Variants in PCLO observed in about 807,000 individuals in gnomAD.
The protein encoded by PCLO is protein piccolo.
A neutral mutation model predicts 427.5 loss-of-function variants in PCLO; 82 were observed. The ratio of observed to expected loss-of-function variants is 0.19; its 90% confidence interval spans 0.16 to 0.23. The LOEUF (loss-of-function observed/expected upper bound fraction) is 0.23. Ranked by LOEUF, PCLO falls within the 10% of genes least tolerant of loss-of-function variation. The probability of loss-of-function intolerance (pLI) is 1.00; values close to 1 mark genes in which losing one functional copy is unlikely to be tolerated. For synonymous variants in PCLO, 2,357 were observed against 2,155.4 expected (o/e 1.09, Z -2.59); for missense variants, 6,239 against 6,115.9 (o/e 1.02, Z -0.67).
At chr7:82,900,638 T>A (rs146304231) in intron 9 of PCLO, among the ~76,000 whole-genome samples, 6 of 151,756 alleles carry the variant, frequency 4.0e-5, no homozygotes, top group African/African-American at 1.4e-4. Flanking sequence ...CCTATCAGAT[T>A]GGAGGAGATA....
intron 3 of PCLO, among the ~76,000 whole-genome samples, chr7:83,127,689 C>T (rs892606089): frequency 6.6e-6 from 1 of 152,050 alleles, no homozygotes; most frequent in African/African-American, 2.4e-5. Flanking sequence ...ACTTCAACAG[C>T]TGAACATTTC....
chr7:82,879,569 A>G (rs1448634392), intron 9 of PCLO, 107 bp from the exon 10 acceptor site: 10 of 707,570 alleles, frequency 1.4e-5, no homozygotes, highest in Non-Finnish European at 1.9e-5. Context: ...GAAGCTAAAT[A>G]TAACATGAAT....
At chr7:82,860,763 ACATAGC>A (rs1475913385) in intron 10 of PCLO, among the ~76,000 whole-genome samples, 2 of 152,262 alleles carry the variant, frequency 1.3e-5, no homozygotes, top group East Asian at 3.9e-4. Flanking sequence ...ACTTTTCAAG[ACATAGC>A]ATAATAAGAT....
chr7:83,106,862 G>A (rs1259160979), intron 3 of PCLO, among the ~76,000 whole-genome samples: 3 of 152,024 alleles, frequency 2.0e-5, no homozygotes, highest in African/African-American at 7.2e-5. Context: ...CTCAATATGT[G>A]CATTAGTGAC....
intron 3 of PCLO, among the ~76,000 whole-genome samples, chr7:82,992,182 C>T (rs1414999263): frequency 6.6e-6 from 1 of 152,056 alleles, no homozygotes; most frequent in African/African-American, 2.4e-5. Context: ...TTACCTTGGT[C>T]CCACACCATT....
chr7:82,900,185 T>C (rs1441469111), intron 9 of PCLO, among the ~76,000 whole-genome samples: 1 of 151,616 alleles, frequency 6.6e-6, no homozygotes. Flanking sequence ...GAAAACAACA[T>C]TAGACTCCTA....
In PCLO at chr7:83,097,772, C is replaced by T. The variant is rs542802590; in HGVS notation, c.3300+36478G>A. The stretch of plus-strand genomic sequence containing the variant: ...CTATTGTGTCAGAAAACAAAACATG[C>T]TTAGACCTCAATAAACCACAAAAGT... On this transcript the variant is annotated intron_variant, in intron 3 of 24. Transcript: ENST00000333891. Among the ~76,000 whole-genome samples the T allele has an allele frequency of 2.0e-5, 3 of 151,550 alleles. No homozygotes were observed. In the South Asian group the frequency reaches 6.2e-4, roughly 31 times the overall value.
chr7:82,761,534 C>A, intron 22 of PCLO, 41 bp from the exon 23 acceptor site: 1 of 1,461,432 alleles, frequency 6.8e-7, no homozygotes, highest in South Asian at 1.2e-5. Flanking sequence ...TATGTAATGC[C>A]ATATATGAAA....
chr7:82,805,842 G>A lies in PCLO; in HGVS notation c.14792-13C>T. 1 of 1,591,162 alleles carries A rather than the reference G, an allele frequency of 6.3e-7. No homozygotes were observed. The highest frequency in any genetic ancestry group is 1.1e-5 in the South Asian group (1 of 87,656). On this transcript the variant is annotated splice_polypyrimidine_tract_variant and intron_variant, in intron 20 of 24. Coordinates refer to ENST00000333891, the MANE Select transcript of PCLO (RefSeq NM_033026.6). Reference sequence around the variant, plus strand: ...TTGGGAGGCTTTGCTGCATGGTGTGGGAAGATTCAACACCACAGTCAATAA... The same window carrying A: ...TTGGGAGGCTTTGCTGCATGGTGTGAGAAGATTCAACACCACAGTCAATAA...
At chr7:82,850,217 C>A (rs1792614664) in intron 10 of PCLO, among the ~76,000 whole-genome samples, 1 of 151,998 alleles carries the variant, frequency 6.6e-6, no homozygotes, top group Non-Finnish European at 1.5e-5. Context: ...CCATGTTGGC[C>A]AGCCTGGTCT....
intron 3 of PCLO, among the ~76,000 whole-genome samples, chr7:83,118,810 G>A (rs1448488651): frequency 6.6e-6 from 1 of 152,098 alleles, no homozygotes; most frequent in Non-Finnish European, 1.5e-5. Context: ...AGTACTACAA[G>A]GACTGGTGGT....
At chr7:83,053,062 A>T (rs1789292438) in intron 3 of PCLO, among the ~76,000 whole-genome samples, 1 of 152,012 alleles carries the variant, frequency 6.6e-6, no homozygotes, top group Non-Finnish European at 1.5e-5. Flanking sequence ...AGTAGGATGC[A>T]TAATCTGTCT....
chr7:83,068,896 G>A (rs1189931954), intron 3 of PCLO, among the ~76,000 whole-genome samples: 2 of 152,108 alleles, frequency 1.3e-5, no homozygotes, highest in Non-Finnish European at 2.9e-5. Context: ...ATGGATGACT[G>A]GATAAAGAAA....
At chr7:82,799,327 G>A (rs953625761) in intron 22 of PCLO, among the ~76,000 whole-genome samples, 3 of 152,146 alleles carry the variant, frequency 2.0e-5, no homozygotes, top group Non-Finnish European at 4.4e-5. Context: ...GATACCAAGA[G>A]GAATAAGCGC....
chr7:82,779,132 GATATT>G (rs1790816902), intron 22 of PCLO, among the ~76,000 whole-genome samples: 1 of 151,962 alleles, frequency 6.6e-6, no homozygotes, highest in Non-Finnish European at 1.5e-5. Context: ...TTATCATACA[GATATT>G]ATGAGTATTT....
chr7:83,072,657 C>T (rs984668973), intron 3 of PCLO, among the ~76,000 whole-genome samples: 2 of 151,930 alleles, frequency 1.3e-5, no homozygotes, highest in Non-Finnish European at 2.9e-5. Context: ...AGATTTGTAC[C>T]AGTTTCGTTC....
chr7:83,151,457 G>T (rs1792127366), intron 2 of PCLO, among the ~76,000 whole-genome samples: 1 of 152,102 alleles, frequency 6.6e-6, no homozygotes, highest in African/African-American at 2.4e-5. Flanking sequence ...AGTGTGTCTG[G>T]CAGAGAGCAT....
intron 21 of PCLO, among the ~76,000 whole-genome samples, chr7:82,803,943 A>C (rs898722680): frequency 1.3e-5 from 2 of 152,188 alleles, no homozygotes; most frequent in African/African-American, 4.8e-5. Flanking sequence ...GTATATATAT[A>C]AAATACATAA....
chr7:83,023,696 C>T (rs117593054), intron 3 of PCLO, among the ~76,000 whole-genome samples: 1 of 152,254 alleles, frequency 6.6e-6, no homozygotes, highest in East Asian at 1.9e-4. Flanking sequence ...GTATGGGTGC[C>T]ATGAGTACGG....
Sources: gnomAD v4.1 joint callset for allele counts (sites outside exome capture counted in the v4.1 genomes callset) on GRCh38, gnomAD v4.1.1 for gene constraint, MANE v1.5 for transcripts, NCBI Gene and HGNC (gene_info 2026-07-23, HGNC 2026-07-21) for gene names.